NUP37: variants seen among roughly 807,000 people sequenced by gnomAD.
The protein encoded by NUP37 is nucleoporin Nup37.
NUP37 carries 33 observed loss-of-function variants against 45.4 expected under a neutral mutation model. The ratio of observed to expected loss-of-function variants is 0.73; its 90% CI spans 0.55 to 0.97. NUP37 has a LOEUF of 0.97. NUP37 is among the 50% of genes least tolerant of loss of function. The probability of loss-of-function intolerance (pLI) is 0.00; values close to 1 mark genes in which losing one functional copy is unlikely to be tolerated. For missense variants in NUP37, 365 were observed against 389.7 expected (o/e 0.94, Z 0.53); for synonymous variants, 127 against 130.7 (o/e 0.97, Z 0.19).
chr12:102,107,291 T>C (rs1178354572), intron 3 of NUP37, among the ~76,000 whole-genome samples: 2 of 152,162 alleles, frequency 1.3e-5, no homozygotes, highest in Non-Finnish European at 2.9e-5. Flanking sequence ...GTATGATAGG[T>C]TGCTAATGCC....
Position 102,112,299 on chromosome 12 carries a change from T to C in NUP37, c.157-67A>G. ...AACAATATAATATTCTGTATTTCAT[T>C]ATAATGAATTTATCAGGAGGTTATG... On this transcript the variant is annotated intron_variant, in intron 2 of 9. Coordinates refer to ENST00000552283, the MANE Select transcript of NUP37 (RefSeq NM_024057.4). 6.1e-6 allele frequency: 8 copies of C among 1,307,766 alleles called. No homozygotes were observed. In the South Asian group the frequency reaches 1.1e-4, roughly 19 times the overall value. 81.0% of individuals were successfully genotyped at this position (1,307,766 alleles called of 1,614,324 possible).
intron 2 of NUP37, among the ~76,000 whole-genome samples, chr12:102,115,580 C>T (rs992401180): frequency 1.3e-5 from 2 of 152,132 alleles, no homozygotes; most frequent in Non-Finnish European, 2.9e-5. Flanking sequence ...CATGTCTTGG[C>T]ACCCAGTATG....
At position 102,075,112 on chromosome 12, in the gene NUP37, G is replaced by A. The variant is rs374240179; in HGVS notation, c.774-18C>T. On this transcript the variant is annotated intron_variant, in intron 8 of 9. Transcript: ENST00000552283. ...TGGACCACCTAAGAAATAAGGAAGC[G>A]TAAAATTAAGTATCGTATCCTATGG... The A allele has an allele frequency of 2.2e-5, 33 of 1,468,686 alleles. No homozygotes were observed. Among genetic ancestry groups the A allele is most frequent in the South Asian group, 9.3e-5 (8 of 86,450 alleles). 91.0% of individuals were successfully genotyped at this position (1,468,686 alleles called of 1,614,324 possible).
rs548359609 is a variant in NUP37, at chr12:102,081,728, T to C, written c.540+4038A>G. On this transcript the variant is annotated intron_variant, in intron 6 of 9. Transcript: ENST00000552283. Reference sequence around the variant, plus strand: ...TTTCATTTAGCTATTTTTTTTTTTTTGAGACAGAGTCTCATTCTGTTGCCC... The same window carrying C: ...TTTCATTTAGCTATTTTTTTTTTTTCGAGACAGAGTCTCATTCTGTTGCCC... Among the ~76,000 whole-genome samples the C allele has an allele frequency of 6.7e-4, 102 of 152,184 alleles. No homozygotes were observed. In the Middle Eastern group the frequency reaches 0.01, roughly 15 times the overall value.
chr12:102,095,257 AT>A (rs1879771453), intron 5 of NUP37, among the ~76,000 whole-genome samples: 1 of 152,000 alleles, frequency 6.6e-6, no homozygotes, highest in Admixed American at 6.6e-5. Flanking sequence ...GGAGATAATA[AT>A]TTTTTCTAAA....
At chr12:102,074,843 C>A in intron 9 of NUP37, 158 bp downstream of exon 9, 2 of 450,202 alleles carry the variant, frequency 4.4e-6, no homozygotes, top group South Asian at 6.4e-5. Context: ...ACACAAAAAA[C>A]AAAAACAAAT....
Position 102,101,112 on chromosome 12 carries a change from C to G in NUP37, c.282-8G>C. The G allele has an allele frequency of 6.6e-7, 1 of 1,524,654 alleles. No homozygotes were observed. Among genetic ancestry groups the G allele is most frequent in the Non-Finnish European group, 8.9e-7 (1 of 1,123,514 alleles). The allele number at this position is 1,524,654 out of a possible 1,614,324, so 94.4% of individuals were successfully genotyped here. On this transcript the variant is annotated splice_region_variant and splice_polypyrimidine_tract_variant and intron_variant, in intron 3 of 9. Transcript: ENST00000552283. ...GCAGCTGAAGTACAAAATCTGGAAG[C>G]AAAAAAACAAAAATATACCAATTTT...
At chr12:102,099,027 A>T in intron 5 of NUP37, 79 bp downstream of exon 5, 1 of 945,476 alleles carries the variant, frequency 1.1e-6, no homozygotes, top group East Asian at 2.6e-5. Flanking sequence ...TAAAAGTCAC[A>T]TTTTTTTTTC....
At chr12:102,092,825 C>CT (rs942397243) in intron 5 of NUP37, among the ~76,000 whole-genome samples, 1 of 152,004 alleles carries the variant, frequency 6.6e-6, no homozygotes, top group Non-Finnish European at 1.5e-5. Context: ...AGGCAAAAGC[C>CT]TTAAAGGTGG....
At chr12:102,095,545 C>T (rs1205531540) in intron 5 of NUP37, among the ~76,000 whole-genome samples, 1 of 152,008 alleles carries the variant, frequency 6.6e-6, no homozygotes, top group Admixed American at 6.6e-5. Context: ...ACTAGCAACC[C>T]CATGCTTTAC....
chr12:102,083,586 T>G (rs1032105996), intron 6 of NUP37, among the ~76,000 whole-genome samples: 2 of 152,262 alleles, frequency 1.3e-5, no homozygotes, highest in Non-Finnish European at 2.9e-5. Context: ...TGTATTTACA[T>G]GTTTTTTCTC....
At chr12:102,109,553 T>C in intron 3 of NUP37, among the ~76,000 whole-genome samples, 1 of 152,172 alleles carries the variant, frequency 6.6e-6, no homozygotes, top group East Asian at 1.9e-4. Context: ...ATTCATTATT[T>C]TATAATAAAA....
intron 8 of NUP37, 62 bp from the exon 9 acceptor site, chr12:102,075,156 G>T: frequency 9.4e-7 from 1 of 1,058,582 alleles, no homozygotes. Flanking sequence ...AAGCTTTTCT[G>T]AAGCGGGCTT....
intron 3 of NUP37, among the ~76,000 whole-genome samples, chr12:102,109,210 AC>A (rs1880242271): frequency 1.3e-5 from 2 of 152,170 alleles, no homozygotes; most frequent in Admixed American, 1.3e-4. Context: ...TCTAGCCACT[AC>A]GCAAGAAAAG....
chr12:102,074,730 A>G (rs974616052), intron 9 of NUP37: 8 of 437,554 alleles, frequency 1.8e-5, no homozygotes, highest in African/African-American at 1.0e-4. Context: ...AATGTATTTA[A>G]ATAAAGAAGA....
intron 5 of NUP37, among the ~76,000 whole-genome samples, chr12:102,091,955 T>C (rs1267087425): frequency 2.0e-5 from 3 of 152,200 alleles, no homozygotes; most frequent in African/African-American, 4.8e-5. Context: ...CCCTACCATA[T>C]GGTATTTAAA....
In NUP37 at chr12:102,120,100, G is replaced by A; in HGVS notation, c.-116C>T. Reference sequence around the variant, plus strand: ...GGCAGGCTGGTCTTCCTTGGGGGCTGCCGCGACGCGCTGTGGCTCTGCTTC... The same window carrying A: ...GGCAGGCTGGTCTTCCTTGGGGGCTACCGCGACGCGCTGTGGCTCTGCTTC... On this transcript the variant is annotated 5_prime_UTR_variant, in exon 1 of 10. Transcript: ENST00000552283. 1 of 173,716 alleles carries A rather than the reference G, an allele frequency of 5.8e-6. No individual in the cohort carries two copies. Among genetic ancestry groups the A allele is most frequent in the South Asian group, 9.5e-5 (1 of 10,486 alleles). 10.8% of individuals were successfully genotyped at this position (173,716 alleles called of 1,614,324 possible).
chr12:102,088,410 T>C (rs1022303113), intron 5 of NUP37, among the ~76,000 whole-genome samples: 5 of 152,144 alleles, frequency 3.3e-5, no homozygotes, highest in African/African-American at 1.2e-4. Context: ...TCAAAGAGAA[T>C]ACACTCAAAA....
chr12:102,104,944 A>T (rs1225961003), intron 3 of NUP37, among the ~76,000 whole-genome samples: 1 of 152,150 alleles, frequency 6.6e-6, no homozygotes, highest in East Asian at 1.9e-4. Flanking sequence ...TTCCATCTGA[A>T]TTTTAGGATG....
Sources: gnomAD v4.1 joint callset for allele counts (sites outside exome capture counted in the v4.1 genomes callset) on GRCh38, gnomAD v4.1.1 for gene constraint, MANE v1.5 for transcripts, NCBI Gene and HGNC (gene_info 2026-07-23, HGNC 2026-07-21) for gene names.